The following WDFY2 variants were observed in gnomAD, a reference collection of about 807,000 sequenced individuals.
The protein encoded by WDFY2 is WD repeat and FYVE domain containing 2, also known as WD repeat and FYVE domain-containing protein 2.
WDFY2 carries 36 observed loss-of-function variants against 56.4 expected under a neutral mutation model. That is an observed-to-expected ratio of 0.64 (90% CI 0.49 to 0.84). The LOEUF is 0.84. Among genes scored for constraint, WDFY2 ranks in the 40% least tolerant of loss-of-function variants. The probability of loss-of-function intolerance (pLI) is 0.00; values close to 1 mark genes in which losing one functional copy is unlikely to be tolerated. For missense variants in WDFY2, 444 were observed against 512.2 expected (o/e 0.87, Z 1.29); for synonymous variants, 176 against 183.7 (o/e 0.96, Z 0.34).
chr13:51,654,133 C>A (rs1010422279), intron 1 of WDFY2, among the ~76,000 whole-genome samples: 9 of 152,332 alleles, frequency 5.9e-5, no homozygotes, highest in East Asian at 1.9e-4. Flanking sequence ...CTCGCTGCTG[C>A]CTTGCATTTT....
chr13:51,702,564 C>T (rs1043917697), intron 3 of WDFY2, among the ~76,000 whole-genome samples: 3 of 152,148 alleles, frequency 2.0e-5, no homozygotes, highest in Admixed American at 2.0e-4. Context: ...CTCACATCAT[C>T]TCCTACTTTA....
intron 2 of WDFY2, 40 bp downstream of exon 2, chr13:51,660,703 C>CCTT: frequency 1.9e-6 from 3 of 1,576,958 alleles, no homozygotes; most frequent in Non-Finnish European, 2.6e-6. Flanking sequence ...CCAGACATGT[C>CCTT]CTTCCCAGAT....
chr13:51,597,943 T>C (rs539632238), intron 1 of WDFY2, among the ~76,000 whole-genome samples: 2 of 152,328 alleles, frequency 1.3e-5, no homozygotes, highest in African/African-American at 2.4e-5. Context: ...CTCCCACTCA[T>C]GGGTTTTAAG....
intron 1 of WDFY2, among the ~76,000 whole-genome samples, chr13:51,609,109 T>C (rs892918791): frequency 3.9e-5 from 6 of 152,292 alleles, no homozygotes; most frequent in Middle Eastern, 3.4e-3. Context: ...ATGTTATTTT[T>C]AACTTAAAAA....
chr13:51,657,624 C>T lies in WDFY2; in HGVS notation c.138-2972C>T, dbSNP rs4408441. 4.6e-3 allele frequency among the ~76,000 whole-genome samples: 702 copies of T among 152,250 alleles called. 4 individuals are homozygous for T. Among genetic ancestry groups the T allele is most frequent in the Admixed American group, 0.015 (231 of 15,296 alleles). On this transcript the variant is annotated intron_variant, in intron 1 of 11. Transcript: ENST00000298125. Reference sequence around the variant, plus strand: ...TTGATGATGTCCCATAGGTCTCTTACGCTCTGTTTGTTATTCTTTATTCTT... The same window carrying T: ...TTGATGATGTCCCATAGGTCTCTTATGCTCTGTTTGTTATTCTTTATTCTT...
chr13:51,724,599 G>C (rs1952565521), intron 5 of WDFY2, among the ~76,000 whole-genome samples: 1 of 152,148 alleles, frequency 6.6e-6, no homozygotes, highest in Non-Finnish European at 1.5e-5. Context: ...AAATTGAGCA[G>C]AAAGTATAGA....
intron 5 of WDFY2, among the ~76,000 whole-genome samples, chr13:51,721,061 GTGTA>G (rs984615663): frequency 2.0e-5 from 3 of 152,112 alleles, no homozygotes; most frequent in Non-Finnish European, 4.4e-5. Flanking sequence ...ATTACACAGT[GTGTA>G]TGTATATCAC....
chr13:51,704,526 T>C (rs1056713767), intron 4 of WDFY2, among the ~76,000 whole-genome samples: 4 of 152,216 alleles, frequency 2.6e-5, no homozygotes, highest in Non-Finnish European at 4.4e-5. Context: ...TGGTGTTTGC[T>C]TAGCCTGTTG....
At chr13:51,729,241 C>A (rs1345388029) in intron 6 of WDFY2, among the ~76,000 whole-genome samples, 1 of 152,032 alleles carries the variant, frequency 6.6e-6, no homozygotes, top group Non-Finnish European at 1.5e-5. Context: ...TACCATTGCA[C>A]ACTCACGATT....
chr13:51,647,363 AT>A (rs1307908758), intron 1 of WDFY2, among the ~76,000 whole-genome samples: 1 of 152,238 alleles, frequency 6.6e-6, no homozygotes, highest in Non-Finnish European at 1.5e-5. Context: ...AAATTTGTGT[AT>A]CATGTAACTA....
chr13:51,759,303 C>T (rs1459087633), intron 11 of WDFY2, among the ~76,000 whole-genome samples: 1 of 151,946 alleles, frequency 6.6e-6, no homozygotes, highest in Non-Finnish European at 1.5e-5. Flanking sequence ...ACGTGCTTGG[C>T]GTCCAGTTAA....
intron 1 of WDFY2, among the ~76,000 whole-genome samples, chr13:51,638,602 C>T (rs993099734): frequency 4.6e-5 from 7 of 152,100 alleles, no homozygotes; most frequent in East Asian, 3.9e-4. Flanking sequence ...AGGGTTAATC[C>T]GTTTGCACAC....
At chr13:51,597,174 T>A (rs529081683) in intron 1 of WDFY2, among the ~76,000 whole-genome samples, 3 of 152,360 alleles carry the variant, frequency 2.0e-5, no homozygotes, top group African/African-American at 7.2e-5. Context: ...ATTGTCAGAA[T>A]TGAACCCAGA....
At chr13:51,611,453 C>T (rs572548186) in intron 1 of WDFY2, among the ~76,000 whole-genome samples, 23 of 152,300 alleles carry the variant, frequency 1.5e-4, no homozygotes, top group South Asian at 1.0e-3. Flanking sequence ...CCTCAGCATA[C>T]AACAAATCTT....
chr13:51,615,134 A>AT (rs1243693490), intron 1 of WDFY2, among the ~76,000 whole-genome samples: 1 of 152,212 alleles, frequency 6.6e-6, no homozygotes. Context: ...CCATATTCAT[A>AT]TGTTGAAAGC....
chr13:51,675,334 A>G, intron 3 of WDFY2, 91 bp downstream of exon 3: 5 of 1,228,132 alleles, frequency 4.1e-6, no homozygotes, highest in Non-Finnish European at 5.8e-6. Context: ...AGTTAACAGA[A>G]GAATTTTCTT....
chr13:51,682,678 T>G (rs904396705), intron 3 of WDFY2, among the ~76,000 whole-genome samples: 10 of 152,184 alleles, frequency 6.6e-5, no homozygotes, highest in African/African-American at 2.2e-4. Context: ...ATAGGGTTGT[T>G]ATTAGGACTA....
At chr13:51,727,655 A>C (rs1952633225) in intron 5 of WDFY2, 23 bp from the exon 6 acceptor site, 2 of 1,601,098 alleles carry the variant, frequency 1.2e-6, no homozygotes, top group Admixed American at 3.5e-5. Context: ...TTTGAGAAAC[A>C]ATCCTTAATG....
Position 51,755,676 on chromosome 13 carries a change from G to A in WDFY2, c.933+217G>A, listed in dbSNP as rs1378030473. Among the ~76,000 whole-genome samples, 5 of 152,134 alleles carry A rather than the reference G, an allele frequency of 3.3e-5. 1 individual carries two copies. The East Asian group carries it at 9.6e-4, about 29-fold the overall frequency. ...GGTTGGTTCCCAGTAAGCAGTTAGG[G>A]ATGTGATTTTAGAATTCTGTTGGCC... On this transcript the variant is annotated intron_variant, in intron 9 of 11. Coordinates refer to ENST00000298125, the MANE Select transcript of WDFY2 (RefSeq NM_052950.4).
Sources: gnomAD v4.1 joint callset for allele counts (sites outside exome capture counted in the v4.1 genomes callset) on GRCh38, gnomAD v4.1.1 for gene constraint, MANE v1.5 for transcripts, NCBI Gene and HGNC (gene_info 2026-07-23, HGNC 2026-07-21) for gene names.